Variants in MPP7 observed in about 807,000 individuals in gnomAD.
The protein encoded by MPP7 is MAGUK p55 subfamily member 7.
In MPP7, 60 loss-of-function variants were observed where a neutral mutation model predicts 76.5. The ratio of observed to expected loss-of-function variants is 0.78; its 90% CI spans 0.64 to 0.97. The LOEUF is 0.97. Ranked by LOEUF, MPP7 falls within the 50% of genes least tolerant of loss-of-function variation. The pLI is 0.00. For missense variants in MPP7, 641 were observed against 694.0 expected, an observed-to-expected ratio of 0.92 and a Z score of 0.86; for synonymous variants, 237 against 244.5, an observed-to-expected ratio of 0.97 and a Z score of 0.29.
At chr10:28,118,312 A>C (rs1834722248) in intron 11 of MPP7, 1 of 980,572 alleles carries the variant, frequency 1.0e-6, no homozygotes, top group African/African-American at 1.8e-5. Flanking sequence ...CACTTATCAA[A>C]AATTTTCAAT....
intron 11 of MPP7, among the ~76,000 whole-genome samples, chr10:28,112,183 G>A (rs1333063487): frequency 1.3e-5 from 2 of 152,072 alleles, no homozygotes; most frequent in Non-Finnish European, 2.9e-5. Flanking sequence ...TAAAGCAAAC[G>A]GTTAGAAAAC....
intron 12 of MPP7, among the ~76,000 whole-genome samples, chr10:28,087,866 T>G (rs1471754925): frequency 1.3e-5 from 2 of 152,164 alleles, no homozygotes; most frequent in African/African-American, 4.8e-5. Flanking sequence ...GAAATGCATG[T>G]TCTCTCAGCA....
At chr10:28,188,059 AG>A (rs1564687840) in intron 3 of MPP7, among the ~76,000 whole-genome samples, 1 of 152,224 alleles carries the variant, frequency 6.6e-6, no homozygotes, top group Non-Finnish European at 1.5e-5. Context: ...GCCTCTGTTC[AG>A]GATTTATTTA....
At chr10:28,136,927 G>A (rs1272760109) in intron 5 of MPP7, among the ~76,000 whole-genome samples, 1 of 152,030 alleles carries the variant, frequency 6.6e-6, no homozygotes, top group Non-Finnish European at 1.5e-5. Context: ...GCAGTTGCTG[G>A]AAACTATTTA....
rs1851605562 is a variant in MPP7 at position 28,057,572 on chromosome 10, TAC to T, written c.1407+921_1407+922del. ...GCAGATGCCAGCATCACGCTTCCTGTACAGTCTGCAGAGCAGTGAGCCAATTA... is the reference window on the plus strand; with the variant it reads ...GCAGATGCCAGCATCACGCTTCCTGTAGTCTGCAGAGCAGTGAGCCAATTA... On this transcript the variant is annotated intron_variant, in intron 15 of 16. Transcript: ENST00000683449. The T allele has an allele frequency of 8.3e-6, 3 of 360,604 alleles. No homozygotes were observed. The Admixed American group carries it at 2.0e-4, about 24-fold the overall frequency. 22.3% of individuals were successfully genotyped at this position (360,604 alleles called of 1,614,324 possible).
intron 1 of MPP7, among the ~76,000 whole-genome samples, chr10:28,298,554 T>C (rs766978663): frequency 2.6e-5 from 4 of 152,224 alleles, no homozygotes; most frequent in Non-Finnish European, 5.9e-5. Flanking sequence ...TCGCTCCATT[T>C]ATAGAGCACA....
chr10:28,147,404 G>T, intron 5 of MPP7, 79 bp downstream of exon 5: 2 of 1,097,802 alleles, frequency 1.8e-6, no homozygotes, highest in Non-Finnish European at 2.8e-6. Context: ...GAGAATTGAT[G>T]CTCGAAACAA....
chr10:28,227,876 G>C (rs1184041441), intron 2 of MPP7, among the ~76,000 whole-genome samples: 1 of 152,166 alleles, frequency 6.6e-6, no homozygotes, highest in East Asian at 1.9e-4. Context: ...TCTGGTTCCA[G>C]ATCTTTGAGA....
At chr10:28,125,647 AAAAGAAAAAAGTT>A (rs1834994575) in intron 6 of MPP7, among the ~76,000 whole-genome samples, 1 of 152,164 alleles carries the variant, frequency 6.6e-6, no homozygotes, top group African/African-American at 2.4e-5. Flanking sequence ...ATTATAAAGA[AAAAGAAAAAAGTT>A]AAAACCCAGA....
chr10:28,088,610 T>C (rs921395272), intron 12 of MPP7, among the ~76,000 whole-genome samples: 8 of 152,104 alleles, frequency 5.3e-5, no homozygotes, highest in African/African-American at 1.9e-4. Flanking sequence ...AATTACCCAG[T>C]CTCAGGTAAT....
intron 6 of MPP7, among the ~76,000 whole-genome samples, chr10:28,125,764 C>A (rs1205255801): frequency 2.0e-5 from 3 of 152,038 alleles, no homozygotes; most frequent in Non-Finnish European, 4.4e-5. Flanking sequence ...GTAACTAGTA[C>A]AAATAGAACT....
intron 11 of MPP7, among the ~76,000 whole-genome samples, chr10:28,109,860 A>AAAAAC (rs1554836568): frequency 6.7e-6 from 1 of 148,770 alleles, no homozygotes; most frequent in Non-Finnish European, 1.5e-5. Context: ...AAAAAAAAAA[A>AAAAAC]AAAAAAAAAA....
At chr10:28,256,260 G>A (rs1333269494) in intron 1 of MPP7, among the ~76,000 whole-genome samples, 1 of 149,740 alleles carries the variant, frequency 6.7e-6, no homozygotes, top group Non-Finnish European at 1.5e-5. Flanking sequence ...TGCAGATGCT[G>A]TAGCTAAACC....
At chr10:28,145,738 T>TCATGCTAA (rs1283181806) in intron 5 of MPP7, among the ~76,000 whole-genome samples, 1 of 152,226 alleles carries the variant, frequency 6.6e-6, no homozygotes, top group Non-Finnish European at 1.5e-5. Context: ...TATACGTCTT[T>TCATGCTAA]CATGCTAACT....
At position 28,094,128 on chromosome 10, in the gene MPP7, C is replaced by T. The variant is rs575923609; in HGVS notation, c.953-4287G>A. On this transcript the variant is annotated intron_variant, in intron 11 of 16. Transcript: ENST00000683449. ...CTGGAGGTCATCTGAGTCTGCTCCC[C>T]GCGGGGCAGCCATACGCTGCACTTG... 2.7e-3 allele frequency among the ~76,000 whole-genome samples: 408 copies of T among 152,268 alleles called. 1 individual carries two copies. Among genetic ancestry groups the T allele is most frequent in the African/African-American group, 8.9e-3 (371 of 41,548 alleles).
intron 2 of MPP7, among the ~76,000 whole-genome samples, chr10:28,237,694 A>G (rs1442035042): frequency 2.0e-5 from 3 of 152,204 alleles, no homozygotes; most frequent in Non-Finnish European, 4.4e-5. Flanking sequence ...TTTGAGAGCT[A>G]TATCAACCAA....
chr10:28,218,381 G>A (rs1461706455), intron 2 of MPP7, among the ~76,000 whole-genome samples: 9 of 152,134 alleles, frequency 5.9e-5, no homozygotes. Context: ...CTGTGATCCT[G>A]CACACTTGAG....
chr10:28,210,909 G>T (rs928729070), intron 2 of MPP7, among the ~76,000 whole-genome samples: 2 of 151,962 alleles, frequency 1.3e-5, no homozygotes, highest in African/African-American at 4.8e-5. Flanking sequence ...GGATTTAAAT[G>T]TGCTGTAGCG....
intron 1 of MPP7, among the ~76,000 whole-genome samples, 186 bp downstream of exon 1, chr10:28,302,675 C>T (rs1284311755): frequency 6.6e-6 from 1 of 152,078 alleles, no homozygotes; most frequent in African/African-American, 2.4e-5. Flanking sequence ...GCCCCGCCCC[C>T]ACCTCCTCAC....
Sources: gnomAD v4.1 joint callset for allele counts (sites outside exome capture counted in the v4.1 genomes callset) on GRCh38, gnomAD v4.1.1 for gene constraint, MANE v1.5 for transcripts, NCBI Gene and HGNC (gene_info 2026-07-23, HGNC 2026-07-21) for gene names.